The following MATN1 variants were observed in gnomAD, a reference collection of about 807,000 sequenced individuals.
MATN1 encodes the protein matrilin 1.
A neutral mutation model predicts 41.3 loss-of-function variants in MATN1; 34 were observed. The ratio of observed to expected loss-of-function variants is 0.82; its 90% confidence interval spans 0.63 to 1.10. The LOEUF (loss-of-function observed/expected upper bound fraction) is 1.10, where lower values mean the gene tolerates loss of function less well. Ranked by LOEUF, MATN1 falls within the 50% of genes least tolerant of loss-of-function variation. The pLI, the probability that MATN1 is intolerant of heterozygous loss-of-function variation, is 0.00. For missense variants in MATN1, 602 were observed against 662.4 expected (o/e 0.91, Z 1.00); for synonymous variants, 264 against 278.7 (o/e 0.95, Z 0.53).
intron 7 of MATN1, chr1:30,714,005 T>A (rs1639586232): frequency 3.4e-6 from 2 of 589,754 alleles, no homozygotes; most frequent in African/African-American, 3.7e-5. Flanking sequence ...AGGACTCTGG[T>A]GTGTGTCCAG....
chr1:30,718,290 A>G (rs2124155982), intron 3 of MATN1, among the ~76,000 whole-genome samples: 1 of 143,832 alleles, frequency 7.0e-6, no homozygotes, highest in East Asian at 2.1e-4. Flanking sequence ...GCGGACTCTC[A>G]GTCTCTGCGC....
At chr1:30,717,737 C>T (rs922195669) in intron 3 of MATN1, among the ~76,000 whole-genome samples, 1 of 150,166 alleles carries the variant, frequency 6.7e-6, no homozygotes, top group African/African-American at 2.5e-5. Context: ...TCACTGCAAG[C>T]TCCGCTTCCC....
At chr1:30,716,444 C>G in intron 4 of MATN1, 119 bp from the exon 5 acceptor site, 1 of 1,070,018 alleles carries the variant, frequency 9.3e-7, no homozygotes, top group South Asian at 1.5e-5. Flanking sequence ...ATTGTGCCCT[C>G]AGAACTGCCT....
At chr1:30,718,273 C>T (rs2124155969) in intron 3 of MATN1, among the ~76,000 whole-genome samples, 1 of 151,834 alleles carries the variant, frequency 6.6e-6, no homozygotes, top group African/African-American at 2.4e-5. Context: ...CCTTGGCCCG[C>T]CTCAGCGCGG....
At chr1:30,720,769 G>T (rs1399510067) in intron 2 of MATN1, 1 of 152,694 alleles carries the variant, frequency 6.5e-6, no homozygotes, top group Non-Finnish European at 1.5e-5. Flanking sequence ...TGACAGTGAG[G>T]ATACAAGTCC....
At position 30,715,150 on chromosome 1, in the gene MATN1, C is replaced by T; in HGVS notation, c.1360+7G>A. On this transcript the variant is annotated splice_region_variant and intron_variant, in intron 6 of 7. Coordinates refer to ENST00000373765, the MANE Select transcript of MATN1 (RefSeq NM_002379.3). ...ATCCCATCAATGCCAGCCCTGGCCT[C>T]ACTCACCCACACAGATCTTCTTCTG... The T allele has an allele frequency of 6.2e-7, 1 of 1,613,982 alleles. No individual in the cohort carries two copies. The highest frequency in any genetic ancestry group is 8.5e-7 in the Non-Finnish European group (1 of 1,179,866).
At chr1:30,716,705 G>C in intron 4 of MATN1, 85 bp downstream of exon 4, 1 of 1,548,468 alleles carries the variant, frequency 6.5e-7, no homozygotes. Context: ...TATGGTGCAG[G>C]GAGGCTTGAA....
At chr1:30,719,144 GC>G (rs1353329064) in intron 2 of MATN1, 187 bp from the exon 3 acceptor site, 4 of 521,364 alleles carry the variant, frequency 7.7e-6, no homozygotes, top group Non-Finnish European at 1.3e-5. Context: ...TGGCTGGGGG[GC>G]TTTCCATCTG....
Position 30,716,782 on chromosome 1 carries a change from C to G in MATN1, c.790+8G>C. 6.2e-7 allele frequency: 1 copy of G among 1,613,384 alleles called. No homozygotes were observed. Among genetic ancestry groups the G allele is most frequent in the Non-Finnish European group, 8.5e-7 (1 of 1,179,758 alleles). ...TCTCCAGGGCGAGCCTGTGTCCACC[C>G]CACTGACCATTGCAGGTCTTGCCGT... is the stretch of plus-strand genomic sequence containing the variant. On this transcript the variant is annotated splice_region_variant and intron_variant, in intron 4 of 7. Coordinates refer to ENST00000373765, the MANE Select transcript of MATN1 (RefSeq NM_002379.3).
In MATN1 at chr1:30,717,650, TTTTGTTTTG is replaced by T. The variant is rs1188330686; in HGVS notation, c.665-744_665-736del. ...TGTTTTTTGTGTGTGCGGTTTTTTTTTTTGTTTTGTTTTTTTTTTGAGACGGAGTCGTCT... is the reference window on the plus strand; with the variant it reads ...TGTTTTTTGTGTGTGCGGTTTTTTTTTTTTTTTTTTGAGACGGAGTCGTCT... On this transcript the variant is annotated intron_variant, in intron 3 of 7. Transcript: ENST00000373765. 9.2e-5 allele frequency among the ~76,000 whole-genome samples: 11 copies of T among 119,342 alleles called. 2 individuals carry two copies. Among genetic ancestry groups the T allele is most frequent in the African/African-American group, 3.6e-4 (10 of 27,762 alleles). 78.3% of individuals were successfully genotyped at this position (119,342 alleles called of 152,430 possible).
chr1:30,723,427 A>G, intron 1 of MATN1, 31 bp downstream of exon 1: 1 of 1,465,188 alleles, frequency 6.8e-7, no homozygotes, highest in South Asian at 1.3e-5. Context: ...CCACTAGCTC[A>G]GTAGCCCCCA....
At position 30,714,255 on chromosome 1, in the gene MATN1, G is replaced by A. The variant is rs1405055472; in HGVS notation, c.1433C>T (p.Thr478Ile). Residue 478 changes from threonine (T) to isoleucine (I), a missense_variant, in exon 7 of 8, where the codon ACC (threonine) becomes ATC (isoleucine). Coordinates refer to ENST00000373765, the MANE Select transcript of MATN1 (RefSeq NM_002379.3). ...CCTCTGGGAAGGGATATGTTTCCTG[G>A]TCAGGGCCTGCAGCAGCCCCTCCAC... The part of the protein sequence containing the change: ...AKVEGLLQAL[T>I]RKLEAVSKRL... The A allele has an allele frequency of 1.9e-6, 3 of 1,606,116 alleles. No individual in the cohort carries two copies. The highest frequency in any genetic ancestry group is 2.6e-6 in the Non-Finnish European group (3 of 1,176,208).
At position 30,713,260 on chromosome 1, in the gene MATN1, A is replaced by C; in HGVS notation, c.*322T>G. On this transcript the variant is annotated 3_prime_UTR_variant, in exon 8 of 8. Transcript: ENST00000373765. ...GAAAGGGTTAACTAAAAAAGATGGGAATATATTAAGCTTTTGATTATAAAA... is the reference window on the plus strand; with the variant it reads ...GAAAGGGTTAACTAAAAAAGATGGGCATATATTAAGCTTTTGATTATAAAA... 5 of 341,918 alleles carry C rather than the reference A, an allele frequency of 1.5e-5. No individual in the cohort carries two copies. Among genetic ancestry groups the C allele is most frequent in the East Asian group, 4.8e-5 (1 of 20,828 alleles). 21.2% of individuals were successfully genotyped at this position (341,918 alleles called of 1,614,324 possible). A position where few individuals can be genotyped will look rare whatever the true frequency, so the allele number is the denominator to read the frequency against.
chr1:30,714,409 G>T, intron 6 of MATN1, 82 bp from the exon 7 acceptor site: 2 of 1,149,462 alleles, frequency 1.7e-6, no homozygotes, highest in Non-Finnish European at 2.6e-6. Flanking sequence ...ACTGCCCAGG[G>T]CCAGGACTCA....
In MATN1 at chr1:30,713,436, A is replaced by C; in HGVS notation, c.*146T>G. The C allele has an allele frequency of 2.8e-6, 2 of 711,088 alleles. No individual in the cohort carries two copies. The highest frequency in any genetic ancestry group is 2.5e-6 in the Non-Finnish European group (1 of 398,804). The allele number at this position is 711,088 out of a possible 1,614,324, so 44.0% of individuals were successfully genotyped here. Reference sequence around the variant, plus strand: ...ACACACACGCACACATACACACACGAGCTCCCAAACGCCATTACACGCTCT... The same window carrying C: ...ACACACACGCACACATACACACACGCGCTCCCAAACGCCATTACACGCTCT... On this transcript the variant is annotated 3_prime_UTR_variant, in exon 8 of 8. Coordinates refer to ENST00000373765, the MANE Select transcript of MATN1 (RefSeq NM_002379.3).
Position 30,718,818 on chromosome 1 carries a change from T to C in MATN1, c.581A>G (p.Glu194Gly). The C allele has an allele frequency of 6.2e-7, 1 of 1,610,148 alleles. No individual in the cohort carries two copies. The highest frequency in any genetic ancestry group is 8.5e-7 in the Non-Finnish European group (1 of 1,178,976). The change falls in exon 3 of 8, where the codon GAG becomes GGG. Residue 194 changes from glutamate (E) to glycine (G), a missense_variant. By Grantham distance (98) the Glu-to-Gly change is moderately conservative. Transcript: ENST00000373765. ...GTAATCGACGTGTTCGTCCTGCGGC[T>C]CGCTGGCGATCTGCCGCAGCGTGGC... ...DKATLRQIAS[E>G]PQDEHVDYVE... is the part of the protein sequence containing the mutation.
Position 30,713,418 on chromosome 1 carries a change from C to T in MATN1, c.*164G>A, listed in dbSNP as rs60939562. The T allele has an allele frequency of 1.5e-3, 992 of 669,302 alleles. 10 individuals carry two copies. In the African/African-American group the frequency reaches 0.016, roughly 10 times the overall value. The allele number at this position is 669,302 out of a possible 1,614,324, so 41.5% of individuals were successfully genotyped here. A position where few individuals can be genotyped will look rare whatever the true frequency, so the allele number is the denominator to read the frequency against. Reference sequence around the variant, plus strand: ...ACACACACATGCACACATACACACACGCACACATACACACACGAGCTCCCA... The same window carrying T: ...ACACACACATGCACACATACACACATGCACACATACACACACGAGCTCCCA... On this transcript the variant is annotated 3_prime_UTR_variant, in exon 8 of 8. Transcript: ENST00000373765.
chr1:30,716,798 G>A lies in MATN1; in HGVS notation c.782C>T (p.Thr261Ile), dbSNP rs201729283. ...GTGTCCACCCCACTGACCATTGCAGGTCTTGCCGTCGCTGTTCAGAGTGAA... is the reference window on the plus strand; with the variant it reads ...GTGTCCACCCCACTGACCATTGCAGATCTTGCCGTCGCTGTTCAGAGTGAA... ...EGFTLNSDGKTCNVCSGGGGS... is the reference protein window; with the variant it reads ...EGFTLNSDGKICNVCSGGGGS... Residue 261 changes from threonine (T) to isoleucine (I), a missense_variant, in exon 4 of 8, where the codon ACC becomes ATC. By Grantham distance (89) the Thr-to-Ile change is moderately conservative. Transcript: ENST00000373765. The A allele has an allele frequency of 9.9e-6, 16 of 1,613,758 alleles. No individual in the cohort carries two copies. In the East Asian group the frequency reaches 3.3e-4, roughly 34 times the overall value.
chr1:30,714,102 A>C (rs1014300181), intron 7 of MATN1, 145 bp downstream of exon 7: 1 of 673,592 alleles, frequency 1.5e-6, no homozygotes, highest in Admixed American at 2.6e-5. Flanking sequence ...AGCTGGCTTC[A>C]GCTTATTCTG....
Sources: gnomAD v4.1 joint callset for allele counts (sites outside exome capture counted in the v4.1 genomes callset) on GRCh38, gnomAD v4.1.1 for gene constraint, MANE v1.5 for transcripts, NCBI Gene and HGNC (gene_info 2026-07-23, HGNC 2026-07-21) for gene names.